COL11A1: variants seen among roughly 807,000 people sequenced by gnomAD.
COL11A1 encodes the protein collagen type XI alpha 1 chain.
Under a neutral mutation model 265.2 loss-of-function variants are expected in COL11A1, and 74 were observed. That is an observed-to-expected ratio of 0.28 (90% CI 0.23 to 0.34). The LOEUF (loss-of-function observed/expected upper bound fraction) is 0.34, where lower values mean the gene tolerates loss of function less well. Among genes scored for constraint, COL11A1 ranks in the 10% least tolerant of loss-of-function variants. The pLI, the probability that COL11A1 is intolerant of heterozygous loss-of-function variation, is 1.00. For missense variants in COL11A1, 2,165 were observed against 2,263.6 expected, an observed-to-expected ratio of 0.96 and a Z score of 0.88; for synonymous variants, 816 against 727.6, an observed-to-expected ratio of 1.12 and a Z score of -1.96.
chr1:102,922,498 G>C (rs1443279123), intron 47 of COL11A1, among the ~76,000 whole-genome samples: 1 of 152,130 alleles, frequency 6.6e-6, no homozygotes, highest in African/African-American at 2.4e-5. Flanking sequence ...CTGGGTTCAC[G>C]CCATTCTTCT....
intron 42 of COL11A1, among the ~76,000 whole-genome samples, chr1:102,940,638 T>C (rs576822646): frequency 7.9e-5 from 12 of 152,192 alleles, no homozygotes; most frequent in Non-Finnish European, 1.5e-4. Context: ...TAGGCTATGA[T>C]ACACAAAAAT....
chr1:102,880,568 A>T (rs1650108502), intron 65 of COL11A1, among the ~76,000 whole-genome samples: 1 of 152,216 alleles, frequency 6.6e-6, no homozygotes, highest in Non-Finnish European at 1.5e-5. Flanking sequence ...TTCTGAAATT[A>T]TAGCAGGAAA....
At chr1:102,889,807 A>C (rs891037561) in intron 58 of COL11A1, among the ~76,000 whole-genome samples, 33 of 152,206 alleles carry the variant, frequency 2.2e-4, no homozygotes, top group Non-Finnish European at 2.8e-4. Flanking sequence ...ACAAAACAAA[A>C]TGCTTTCTAA....
chr1:103,053,090 G>C (rs1001418664), intron 4 of COL11A1, among the ~76,000 whole-genome samples: 2 of 152,142 alleles, frequency 1.3e-5, no homozygotes, highest in African/African-American at 4.8e-5. Context: ...AAACACTATT[G>C]TGCATTGCCG....
intron 14 of COL11A1, among the ~76,000 whole-genome samples, chr1:103,009,182 G>A (rs1218591348): frequency 6.6e-6 from 1 of 152,192 alleles, no homozygotes; most frequent in Admixed American, 6.5e-5. Context: ...GGGAGGCCAA[G>A]GCAGGTAGAT....
chr1:102,902,565 T>C (rs1311696787), intron 54 of COL11A1, among the ~76,000 whole-genome samples: 1 of 152,152 alleles, frequency 6.6e-6, no homozygotes, highest in African/African-American at 2.4e-5. Context: ...CTTCTTGAAC[T>C]ATGAATCTCC....
At chr1:103,008,378 A>T in intron 15 of COL11A1, 85 bp downstream of exon 15, 2 of 1,140,446 alleles carry the variant, frequency 1.8e-6, no homozygotes, top group Non-Finnish European at 2.6e-6. Context: ...ACAAAAAAAA[A>T]ATTAACTATT....
At chr1:102,989,706 T>C in intron 28 of COL11A1, 135 bp from the exon 29 acceptor site, 1 of 499,418 alleles carries the variant, frequency 2.0e-6, no homozygotes, top group Non-Finnish European at 3.6e-6. Flanking sequence ...GTTGTGAAAC[T>C]TCCTCCTCCC....
chr1:102,926,363 C>G (rs1656598434), intron 46 of COL11A1, among the ~76,000 whole-genome samples: 1 of 150,504 alleles, frequency 6.6e-6, no homozygotes, highest in African/African-American at 2.4e-5. Flanking sequence ...CACACTCTCT[C>G]TCACTCCATA....
rs143531636 is a variant in COL11A1 at position 102,886,947 on chromosome 1, G to A, written c.4718C>T (p.Ser1573Leu). 9.4e-5 allele frequency: 151 copies of A among 1,613,842 alleles called. No homozygotes were observed. In the Admixed American group the frequency reaches 1.2e-3, roughly 13 times the overall value. ...ADADDNILDY[S>L]DGMEEIFGSL... ...ACCAAATATTTCTTCCATTCCATCC[G>A]AGTAATCAAGAATATTATCATCTGC... Residue 1573 changes from serine to leucine, a missense_variant, in exon 63 of 67, where the codon TCG becomes TTG. Physicochemically the swap from Ser to Leu is moderately radical, Grantham distance 145. Coordinates refer to ENST00000370096, the MANE Select transcript of COL11A1 (RefSeq NM_001854.4).
intron 31 of COL11A1, 146 bp from the exon 32 acceptor site, chr1:102,979,581 T>C (rs781413946): frequency 5.6e-6 from 4 of 715,826 alleles, no homozygotes; most frequent in Admixed American, 2.0e-5. Flanking sequence ...ATCGAAGTAA[T>C]TGAAAATGAA....
At chr1:103,075,115 G>A (rs759694836) in intron 3 of COL11A1, among the ~76,000 whole-genome samples, 1 of 151,998 alleles carries the variant, frequency 6.6e-6, no homozygotes, top group Non-Finnish European at 1.5e-5. Flanking sequence ...TAGAGATTAG[G>A]GTGGGATATG....
At chr1:103,083,332 A>T (rs747788014) in intron 1 of COL11A1, among the ~76,000 whole-genome samples, 2 of 151,972 alleles carry the variant, frequency 1.3e-5, no homozygotes, top group Non-Finnish European at 2.9e-5. Flanking sequence ...ATTTATAAAC[A>T]TTCATATGTA....
chr1:103,001,955 T>A lies in COL11A1; in HGVS notation c.2112A>T (p.Pro704=), dbSNP rs1208689191. Residue 704 remains proline (P), a synonymous_variant, in exon 24 of 67, where the codon CCA becomes CCT. Coordinates refer to ENST00000370096, the MANE Select transcript of COL11A1 (RefSeq NM_001854.4). The part of the protein sequence containing the change: ...GNPGPQGLPG[P]QGPIGPPGEK... ...CACCAGGAGGACCAATTGGACCTTG[T>A]GGACCAGGAAGACCCTATTTTAAAA... 2 of 1,613,174 alleles carry A rather than the reference T, an allele frequency of 1.2e-6. No homozygotes were observed. Among genetic ancestry groups the A allele is most frequent in the Non-Finnish European group, 1.7e-6 (2 of 1,179,206 alleles).
chr1:102,886,697 A>C, intron 63 of COL11A1, 110 bp downstream of exon 63: 18 of 1,442,060 alleles, frequency 1.2e-5, no homozygotes, highest in Non-Finnish European at 1.7e-5. Flanking sequence ...TAACTGTTTC[A>C]TTTTATTTAG....
At chr1:102,981,248 T>G (rs1214041563) in intron 31 of COL11A1, among the ~76,000 whole-genome samples, 1 of 152,090 alleles carries the variant, frequency 6.6e-6, no homozygotes, top group East Asian at 1.9e-4. Context: ...GGGAAAAAAA[T>G]CTCTGCACAT....
intron 4 of COL11A1, among the ~76,000 whole-genome samples, chr1:103,036,867 T>C (rs1374763109): frequency 1.3e-5 from 2 of 152,072 alleles, no homozygotes; most frequent in Non-Finnish European, 2.9e-5. Context: ...TACTTTGTGA[T>C]CTCCAGCTGT....
At chr1:103,049,130 C>G (rs551828612) in intron 4 of COL11A1, among the ~76,000 whole-genome samples, 2 of 152,228 alleles carry the variant, frequency 1.3e-5, no homozygotes, top group Non-Finnish European at 2.9e-5. Context: ...TGGTGCAGAG[C>G]TGAGTTCAAT....
chr1:102,898,218 A>T (rs757905618), intron 56 of COL11A1, 40 bp from the exon 57 acceptor site: 2 of 928,444 alleles, frequency 2.2e-6, no homozygotes, highest in Non-Finnish European at 2.9e-6. Context: ...AAATTAATAA[A>T]ATAATACATA....
Sources: allele counts gnomAD v4.1 joint callset (sites outside exome capture counted in the v4.1 genomes callset), GRCh38; gene constraint gnomAD v4.1.1; transcripts MANE v1.5; gene names NCBI Gene and HGNC (gene_info 2026-07-23, HGNC 2026-07-21).